FYB2: variants seen among roughly 807,000 people sequenced by gnomAD.
The protein encoded by FYB2 is FYN-binding protein 2.
In FYB2, 103 loss-of-function variants were observed where a neutral mutation model predicts 94.1. The observed-to-expected ratio is 1.09, with a 90% CI of 0.93 to 1.29. The LOEUF is 1.29. Ranked by LOEUF, FYB2 falls within the 50% of genes most tolerant of loss-of-function variation. The pLI, the probability that FYB2 is intolerant of heterozygous loss-of-function variation, is 0.00. For missense variants in FYB2, 896 were observed against 841.5 expected (o/e 1.06, Z -0.80); for synonymous variants, 293 against 287.9 (o/e 1.02, Z -0.18).
At chr1:56,783,662 C>T (rs1261714383) in intron 4 of FYB2, among the ~76,000 whole-genome samples, 3 of 152,034 alleles carry the variant, frequency 2.0e-5, no homozygotes, top group Non-Finnish European at 2.9e-5. Context: ...TCCAGATCAA[C>T]TTGAAGGACT....
intron 9 of FYB2, among the ~76,000 whole-genome samples, chr1:56,747,069 T>C (rs1569963887): frequency 6.6e-6 from 1 of 151,922 alleles, no homozygotes. Flanking sequence ...TTTTCTAATT[T>C]CACTATATTT....
intron 5 of FYB2, among the ~76,000 whole-genome samples, chr1:56,760,845 T>C (rs2100765115): frequency 6.6e-6 from 1 of 152,290 alleles, no homozygotes; most frequent in East Asian, 1.9e-4. Flanking sequence ...CGTGGCAAGC[T>C]AAGCTATCCA....
intron 16 of FYB2, among the ~76,000 whole-genome samples, chr1:56,724,062 TTC>T (rs374610969): frequency 2.8e-4 from 40 of 144,566 alleles, no homozygotes; most frequent in East Asian, 6.4e-4. Flanking sequence ...ATATAACTTT[TTC>T]TTTTTTTTAG....
In FYB2 at chr1:56,719,661, C is replaced by T. The variant is rs1183546611; in HGVS notation, c.*10G>A. On this transcript the variant is annotated 3_prime_UTR_variant, in exon 20 of 20. Coordinates refer to ENST00000343433, the MANE Select transcript of FYB2 (RefSeq NM_001004303.5). ...CTTTGTGCAGTCCATAGCATTTGAT[C>T]TTGATTTTTCTAAGGTGACCAACTT... 2.6e-5 allele frequency: 41 copies of T among 1,597,488 alleles called. No individual in the cohort carries two copies. Among genetic ancestry groups the T allele is most frequent in the Non-Finnish European group, 3.3e-5 (39 of 1,167,724 alleles).
At chr1:56,741,655 A>G (rs1644956268) in intron 12 of FYB2, among the ~76,000 whole-genome samples, 1 of 151,912 alleles carries the variant, frequency 6.6e-6, no homozygotes, top group African/African-American at 2.4e-5. Context: ...TAATAACTAA[A>G]CTTGTAGAAT....
Position 56,751,039 on chromosome 1 carries a change from C to A in FYB2, c.1387+5G>T. 1 of 1,608,872 alleles carries A rather than the reference C, an allele frequency of 6.2e-7. No individual in the cohort carries two copies. Among genetic ancestry groups the A allele is most frequent in the Non-Finnish European group, 8.5e-7 (1 of 1,177,130 alleles). On this transcript the variant is annotated splice_donor_5th_base_variant and intron_variant, in intron 9 of 19. Coordinates refer to ENST00000343433, the MANE Select transcript of FYB2 (RefSeq NM_001004303.5). ...TGAAGAAGATCAGAAAGAAATGCAA[C>A]TTACAGTGGCCTTGGGAGTGCCTGG...
chr1:56,804,478 A>G (rs527238534), intron 1 of FYB2, among the ~76,000 whole-genome samples: 1 of 152,338 alleles, frequency 6.6e-6, no homozygotes, highest in East Asian at 1.9e-4. Context: ...TAATCCCAGC[A>G]CATTGGGAAG....
intron 1 of FYB2, among the ~76,000 whole-genome samples, chr1:56,815,711 T>G (rs1016013291): frequency 3.3e-5 from 5 of 152,196 alleles, no homozygotes; most frequent in African/African-American, 1.2e-4. Flanking sequence ...ACCTCCTATA[T>G]TTTATAATTC....
chr1:56,787,269 G>A, intron 3 of FYB2, 61 bp from the exon 4 acceptor site: 1 of 1,586,142 alleles, frequency 6.3e-7, no homozygotes, highest in Non-Finnish European at 8.7e-7. Context: ...TAAAGTGAAT[G>A]ATGCTTGTGT....
Position 56,750,943 on chromosome 1 carries a change from G to T in FYB2, c.1387+101C>A, listed in dbSNP as rs577202719. 2.9e-6 allele frequency: 4 copies of T among 1,365,790 alleles called. No homozygotes were observed. In the African/African-American group the frequency reaches 4.4e-5, roughly 15 times the overall value. 84.6% of individuals were successfully genotyped at this position (1,365,790 alleles called of 1,614,324 possible). A position where few individuals can be genotyped will look rare whatever the true frequency, so the allele number is the denominator to read the frequency against. ...AGGGCAAGTTGCTTGGCACAAAATA[G>T]ATGTTCAATAAATATTGGTAAAATA... On this transcript the variant is annotated intron_variant, in intron 9 of 19. Coordinates refer to ENST00000343433, the MANE Select transcript of FYB2 (RefSeq NM_001004303.5).
intron 6 of FYB2, among the ~76,000 whole-genome samples, chr1:56,756,438 G>T (rs1423106629): frequency 2.0e-5 from 3 of 152,032 alleles, no homozygotes; most frequent in African/African-American, 7.2e-5. Context: ...CATTTATTCA[G>T]TGATTATAGA....
intron 8 of FYB2, 31 bp downstream of exon 8, chr1:56,753,808 C>A: frequency 1.3e-6 from 2 of 1,500,380 alleles, no homozygotes; most frequent in Non-Finnish European, 1.9e-6. Flanking sequence ...TGTTATATGT[C>A]TAAACTGCAG....
At chr1:56,735,857 T>A (rs1156865272) in intron 15 of FYB2, among the ~76,000 whole-genome samples, 1 of 152,146 alleles carries the variant, frequency 6.6e-6, no homozygotes, top group African/African-American at 2.4e-5. Flanking sequence ...GTCTCAGGTA[T>A]TTCTTTATAG....
chr1:56,745,887 C>T (rs897576188), intron 9 of FYB2, among the ~76,000 whole-genome samples: 1 of 151,962 alleles, frequency 6.6e-6, no homozygotes, highest in Non-Finnish European at 1.5e-5. Flanking sequence ...CTCCTTGCAG[C>T]TCCTCCAACA....
At position 56,764,722 on chromosome 1, in the gene FYB2, A is replaced by G. The variant is rs542460166; in HGVS notation, c.1063+3107T>C. Reference sequence around the variant, plus strand: ...ATTTCAGCCATCTCAATTTTGGCAGATATATTTTTTTTTTCAGCTTCAGCT... The same window carrying G: ...ATTTCAGCCATCTCAATTTTGGCAGGTATATTTTTTTTTTCAGCTTCAGCT... On this transcript the variant is annotated intron_variant, in intron 5 of 19. Coordinates refer to ENST00000343433, the MANE Select transcript of FYB2 (RefSeq NM_001004303.5). Among the ~76,000 whole-genome samples, 129 of 152,300 alleles carry G rather than the reference A, an allele frequency of 8.5e-4. No individual in the cohort carries two copies. In the Middle Eastern group the frequency reaches 0.027, roughly 32 times the overall value.
intron 4 of FYB2, among the ~76,000 whole-genome samples, chr1:56,776,761 CT>C (rs1645886305): frequency 6.6e-6 from 1 of 152,136 alleles, no homozygotes; most frequent in South Asian, 2.1e-4. Context: ...GTTCTGCCAC[CT>C]ACAGCATTCG....
intron 1 of FYB2, among the ~76,000 whole-genome samples, chr1:56,815,884 T>G (rs1264383372): frequency 4.6e-5 from 7 of 152,218 alleles, no homozygotes; most frequent in African/African-American, 1.2e-4. Flanking sequence ...TTGCAATGAC[T>G]GTATAACTAA....
intron 1 of FYB2, among the ~76,000 whole-genome samples, chr1:56,803,562 A>G (rs1646570061): frequency 6.6e-6 from 1 of 152,216 alleles, no homozygotes; most frequent in African/African-American, 2.4e-5. Context: ...AGCCTCACAC[A>G]AAAATGTTGC....
intron 5 of FYB2, among the ~76,000 whole-genome samples, chr1:56,763,291 T>A (rs1226433747): frequency 6.6e-6 from 1 of 152,192 alleles, no homozygotes; most frequent in African/African-American, 2.4e-5. Flanking sequence ...AAAAAATGTG[T>A]TTTCTCCTCC....
Sources: allele counts gnomAD v4.1 joint callset (sites outside exome capture counted in the v4.1 genomes callset), GRCh38; gene constraint gnomAD v4.1.1; transcripts MANE v1.5; gene names NCBI Gene and HGNC (gene_info 2026-07-23, HGNC 2026-07-21).